The following CCDC85A variants were observed in gnomAD, a reference collection of about 807,000 sequenced individuals.
The protein encoded by CCDC85A is coiled-coil domain containing 85A, also known as coiled-coil domain-containing protein 85A.
A neutral mutation model predicts 50.2 loss-of-function variants in CCDC85A; 38 were observed. The observed-to-expected ratio is 0.76, with a 90% CI of 0.58 to 0.99. The LOEUF (loss-of-function observed/expected upper bound fraction) is 0.99. CCDC85A is among the 50% of genes least tolerant of loss of function. The pLI is 0.00. For missense variants in CCDC85A, 820 were observed against 742.0 expected, an observed-to-expected ratio of 1.11 and a Z score of -1.22; for synonymous variants, 366 against 301.4, an observed-to-expected ratio of 1.21 and a Z score of -2.22.
intron 1 of CCDC85A, among the ~76,000 whole-genome samples, chr2:56,188,573 C>G (rs1487123736): frequency 1.3e-5 from 2 of 152,230 alleles, no homozygotes; most frequent in African/African-American, 4.8e-5. Context: ...AGCTTTCTAT[C>G]AAATGCCAGG....
At chr2:56,214,364 A>C (rs184219008) in intron 2 of CCDC85A, among the ~76,000 whole-genome samples, 3 of 152,070 alleles carry the variant, frequency 2.0e-5, no homozygotes, top group East Asian at 3.9e-4. Flanking sequence ...GTGCTGCATA[A>C]AAAATGTCTA....
chr2:56,232,369 C>T (rs544204188), intron 2 of CCDC85A, among the ~76,000 whole-genome samples: 6 of 152,214 alleles, frequency 3.9e-5, no homozygotes, highest in South Asian at 2.1e-4. Context: ...GCCTTTGATT[C>T]CTTGCATTTT....
chr2:56,372,780 C>G (rs972584563), intron 4 of CCDC85A, among the ~76,000 whole-genome samples: 1 of 152,174 alleles, frequency 6.6e-6, no homozygotes. Context: ...AAAATCATGT[C>G]TCTAGACAAG....
chr2:56,274,781 G>C (rs1008977555), intron 2 of CCDC85A, among the ~76,000 whole-genome samples: 1 of 152,140 alleles, frequency 6.6e-6, no homozygotes, highest in Non-Finnish European at 1.5e-5. Context: ...CTAAGACTGT[G>C]GGGGTTAAAT....
At chr2:56,274,715 A>G (rs1483165629) in intron 2 of CCDC85A, among the ~76,000 whole-genome samples, 1 of 152,204 alleles carries the variant, frequency 6.6e-6, no homozygotes, top group African/African-American at 2.4e-5. Context: ...TAGCCATCAT[A>G]ATCTATTAAG....
chr2:56,384,247 C>G lies in CCDC85A; in HGVS notation c.1573-19C>G, dbSNP rs781651729. 1 of 1,592,038 alleles carries G rather than the reference C, an allele frequency of 6.3e-7. No individual in the cohort carries two copies. ...AAAGAGGAAAAGTAAGATACTCACT[C>G]CTTCTTTTTTTTTTTAAGGTTGTGT... On this transcript the variant is annotated intron_variant, in intron 5 of 5. Coordinates refer to ENST00000407595, the MANE Select transcript of CCDC85A (RefSeq NM_001080433.2).
At position 56,192,433 on chromosome 2, in the gene CCDC85A, C is replaced by T; in HGVS notation, c.277-44C>T. 6.4e-7 allele frequency: 1 copy of T among 1,561,768 alleles called. No individual in the cohort carries two copies. The highest frequency in any genetic ancestry group is 8.7e-7 in the Non-Finnish European group (1 of 1,153,522). ...CCAGGAAGTCTGAGCCTGCTGACAC[C>T]TCAGATGTGTACTTCCCTTGAATGG... On this transcript the variant is annotated intron_variant, in intron 1 of 5. Transcript: ENST00000407595. This position sits in a 1 kb window ranked among gnomAD's most constrained non-coding sequence, Gnocchi z 4.7.
chr2:56,376,356 A>C lies in CCDC85A; in HGVS notation c.1572+421A>C, dbSNP rs926132933. Among the ~76,000 whole-genome samples the C allele has an allele frequency of 2.0e-5, 3 of 152,218 alleles. No individual in the cohort carries two copies. The East Asian group carries it at 5.8e-4, about 29-fold the overall frequency. On this transcript the variant is annotated intron_variant, in intron 5 of 5. Transcript: ENST00000407595. ...TTTCTTGATGCAATTGAAGTACATT[A>C]TGCAACTTAAATAAAATATTGAAAT...
intron 2 of CCDC85A, among the ~76,000 whole-genome samples, chr2:56,220,629 A>G (rs780542385): frequency 6.6e-6 from 1 of 152,036 alleles, no homozygotes; most frequent in Non-Finnish European, 1.5e-5. Context: ...TGAGAAAGGA[A>G]GCTTTGTACT....
In CCDC85A at chr2:56,300,724, A is replaced by G. The variant is rs145739014; in HGVS notation, c.1241-42155A>G. Among the ~76,000 whole-genome samples the G allele has an allele frequency of 1.3e-3, 192 of 152,318 alleles. 3 individuals carry two copies. The highest frequency in any genetic ancestry group is 6.8e-3 in the Middle Eastern group (2 of 294). On this transcript the variant is annotated intron_variant, in intron 2 of 5. Transcript: ENST00000407595. ...AAGGAAGCTATCCAAAGTGTATACAACATAACCCCACATGATAAAAACAGG... is the reference window on the plus strand; with the variant it reads ...AAGGAAGCTATCCAAAGTGTATACAGCATAACCCCACATGATAAAAACAGG...
At chr2:56,344,979 C>G (rs1338488874) in intron 3 of CCDC85A, among the ~76,000 whole-genome samples, 1 of 151,750 alleles carries the variant, frequency 6.6e-6, no homozygotes, top group Non-Finnish European at 1.5e-5. Flanking sequence ...AAGGCTGATT[C>G]TTAAAAACCT....
intron 2 of CCDC85A, among the ~76,000 whole-genome samples, chr2:56,230,359 T>A (rs1301057396): frequency 6.6e-6 from 1 of 152,204 alleles, no homozygotes; most frequent in Non-Finnish European, 1.5e-5. Flanking sequence ...CAAGCAGTTA[T>A]ATTTTTGTGT....
intron 2 of CCDC85A, among the ~76,000 whole-genome samples, chr2:56,331,949 C>A (rs993776297): frequency 2.0e-5 from 3 of 152,200 alleles, no homozygotes; most frequent in Admixed American, 1.3e-4. Context: ...CCCTCCCCGC[C>A]CCCCAGGCTG....
At chr2:56,206,536 A>G (rs912099279) in intron 2 of CCDC85A, among the ~76,000 whole-genome samples, 2 of 152,108 alleles carry the variant, frequency 1.3e-5, no homozygotes, top group African/African-American at 4.8e-5. Context: ...AGGGCACAAG[A>G]CAGCAAGCAA....
At chr2:56,266,554 A>G (rs990398336) in intron 2 of CCDC85A, among the ~76,000 whole-genome samples, 1 of 148,326 alleles carries the variant, frequency 6.7e-6, no homozygotes, top group East Asian at 2.1e-4. Context: ...ATAAATATAT[A>G]TAATTGTCAA....
chr2:56,318,408 T>G (rs1673015128), intron 2 of CCDC85A, among the ~76,000 whole-genome samples: 1 of 152,074 alleles, frequency 6.6e-6, no homozygotes. Flanking sequence ...TGGCTTTCAT[T>G]CATTCATTGG....
chr2:56,318,031 A>T (rs995279955), intron 2 of CCDC85A, among the ~76,000 whole-genome samples: 3 of 152,090 alleles, frequency 2.0e-5, no homozygotes, highest in Admixed American at 2.0e-4. Context: ...TCAGTCCAAG[A>T]TGTTAAAGCC....
chr2:56,324,802 G>A (rs1673384301), intron 2 of CCDC85A, among the ~76,000 whole-genome samples: 1 of 152,000 alleles, frequency 6.6e-6, no homozygotes, highest in Non-Finnish European at 1.5e-5. Context: ...CAAGAGGCAT[G>A]TACCTTAGTT....
At chr2:56,205,410 G>GAGA (rs55699120) in intron 2 of CCDC85A, among the ~76,000 whole-genome samples, 30,019 of 151,962 alleles carry the variant, frequency 0.2, 3,146 homozygotes, top group African/African-American at 0.26. Context: ...CAGAGAAATG[G>GAGA]AGAAGGTAGC....
Sources: allele counts gnomAD v4.1 joint callset (sites outside exome capture counted in the v4.1 genomes callset), GRCh38; gene constraint gnomAD v4.1.1; non-coding constraint Gnocchi (gnomAD v3.1); transcripts MANE v1.5; gene names NCBI Gene and HGNC (gene_info 2026-07-23, HGNC 2026-07-21).